PCDHGA8: variants seen among roughly 807,000 people sequenced by gnomAD.
PCDHGA8 encodes the protein protocadherin gamma-A8.
A neutral mutation model predicts 59.2 loss-of-function variants in PCDHGA8; 45 were observed. That is an observed-to-expected ratio of 0.76 (90% CI 0.60 to 0.98). PCDHGA8 has a LOEUF of 0.98. PCDHGA8 is among the 50% of genes least tolerant of loss of function. The pLI is 0.00. For missense variants in PCDHGA8, 1,257 were observed against 1,196.2 expected, an observed-to-expected ratio of 1.05 and a Z score of -0.75; for synonymous variants, 531 against 519.0, an observed-to-expected ratio of 1.02 and a Z score of -0.32.
Position 141,477,662 on chromosome 5 carries a change from A to G in PCDHGA8, c.2425-17145A>G. On this transcript the variant is annotated intron_variant, in intron 1 of 3. Transcript: ENST00000398604. The surrounding 1 kb of genome is among the most constrained non-coding windows in gnomAD (Gnocchi z 4.9). ...TCGCTATTTCACAATAAATCGTGAC[A>G]ATGGCATAGTGTCATCCTTAGTGCC... The G allele has an allele frequency of 6.2e-7, 1 of 1,614,222 alleles. No individual in the cohort carries two copies.
chr5:141,394,033 G>A lies in PCDHGA8; in HGVS notation c.1220G>A (p.Arg407Lys). The A allele has an allele frequency of 4.3e-6, 7 of 1,613,540 alleles. No homozygotes were observed. Among genetic ancestry groups the A allele is most frequent in the Non-Finnish European group, 5.9e-6 (7 of 1,179,716 alleles). The change falls in exon 1 of 4, where the codon AGG becomes AAG. Residue 407 changes from arginine (R) to lysine (K), a missense_variant. Coordinates refer to ENST00000398604, the MANE Select transcript of PCDHGA8 (RefSeq NM_032088.2). ...GGTAATTATTATAGATTAGTGACAA[G>A]GAAATATTTGGACCGAGAAAATGTC... is the stretch of plus-strand genomic sequence containing the variant. ...SIGNYYRLVT[R>K]KYLDRENVSI... is the part of the protein sequence containing the mutation.
intron 1 of PCDHGA8, chr5:141,403,427 G>T: frequency 6.2e-7 from 1 of 1,614,026 alleles, no homozygotes; most frequent in Non-Finnish European, 8.5e-7. Context: ...AGAAGCTATT[G>T]ATCCGGATGT....
chr5:141,400,590 T>G (rs775174347), intron 1 of PCDHGA8: 2 of 1,604,848 alleles, frequency 1.2e-6, no homozygotes, highest in South Asian at 1.1e-5. Flanking sequence ...CATGAAACTA[T>G]CGTACATTTT....
chr5:141,423,065 G>C, intron 1 of PCDHGA8: 1 of 1,614,138 alleles, frequency 6.2e-7, no homozygotes, highest in Non-Finnish European at 8.5e-7. Flanking sequence ...CTTAAGGCCA[G>C]CGAGCCGGGA....
chr5:141,409,143 G>A (rs778597273), intron 1 of PCDHGA8: 1 of 1,613,868 alleles, frequency 6.2e-7, no homozygotes, highest in African/African-American at 1.3e-5. Flanking sequence ...GATGTAGAAA[G>A]GTACACCATG....
Position 141,476,525 on chromosome 5 carries a change from A to T in PCDHGA8, c.2425-18282A>T, listed in dbSNP as rs766638463. On this transcript the variant is annotated intron_variant, in intron 1 of 3. Coordinates refer to ENST00000398604, the MANE Select transcript of PCDHGA8 (RefSeq NM_032088.2). This position sits in a 1 kb window ranked among gnomAD's most constrained non-coding sequence, Gnocchi z 7.6. ...CAACGACAACAATCCTGCTTTCCCTACCCAGGAAATGAAATTGGAGATTAG... is the reference window on the plus strand; with the variant it reads ...CAACGACAACAATCCTGCTTTCCCTTCCCAGGAAATGAAATTGGAGATTAG... The T allele has an allele frequency of 6.2e-7, 1 of 1,614,068 alleles. No homozygotes were observed. The highest frequency in any genetic ancestry group is 2.2e-5 in the East Asian group (1 of 44,854).
chr5:141,410,730 C>CT (rs1191642079), intron 1 of PCDHGA8: 2 of 1,347,822 alleles, frequency 1.5e-6, no homozygotes, highest in Admixed American at 2.5e-5. Context: ...AAATCCATAG[C>CT]TTTTTACAAT....
chr5:141,418,867 A>T, intron 1 of PCDHGA8: 1 of 1,613,968 alleles, frequency 6.2e-7, no homozygotes, highest in Non-Finnish European at 8.5e-7. Context: ...TAATTGTAGA[A>T]GTTGTAGACG....
chr5:141,476,281 T>G lies in PCDHGA8; in HGVS notation c.2425-18526T>G. On this transcript the variant is annotated intron_variant, in intron 1 of 3. Coordinates refer to ENST00000398604, the MANE Select transcript of PCDHGA8 (RefSeq NM_032088.2). This position sits in a 1 kb window ranked among gnomAD's most constrained non-coding sequence, Gnocchi z 7.6. ...TGGGCAACGTGGTCGCGAACCTTGGTTTGGATCTCGGTAGCCTCTCAGCCC... is the reference window on the plus strand; with the variant it reads ...TGGGCAACGTGGTCGCGAACCTTGGGTTGGATCTCGGTAGCCTCTCAGCCC... 1 of 1,614,048 alleles carries G rather than the reference T, an allele frequency of 6.2e-7. No homozygotes were observed. The highest frequency in any genetic ancestry group is 1.1e-5 in the South Asian group (1 of 91,062).
intron 1 of PCDHGA8, among the ~76,000 whole-genome samples, chr5:141,488,261 G>T (rs993627373): frequency 6.6e-6 from 1 of 152,148 alleles, no homozygotes; most frequent in Non-Finnish European, 1.5e-5. Flanking sequence ...GGTTGGGGCG[G>T]GTTGGTCATC....
chr5:141,431,858 G>T lies in PCDHGA8; in HGVS notation c.2424+36621G>T, dbSNP rs1421209596. On this transcript the variant is annotated intron_variant, in intron 1 of 3. Coordinates refer to ENST00000398604, the MANE Select transcript of PCDHGA8 (RefSeq NM_032088.2). This position sits in a 1 kb window ranked among gnomAD's most constrained non-coding sequence, Gnocchi z 4.8. ...AAACTCTCCCAGAGGGACATTAATTGCCCTTTTAAATGTAAATGACCAAGA... is the reference window on the plus strand; with the variant it reads ...AAACTCTCCCAGAGGGACATTAATTTCCCTTTTAAATGTAAATGACCAAGA... 6.8e-6 allele frequency: 11 copies of T among 1,614,080 alleles called. No homozygotes were observed. The highest frequency in any genetic ancestry group is 8.5e-6 in the Non-Finnish European group (10 of 1,180,028).
intron 1 of PCDHGA8, chr5:141,400,341 C>A (rs754175136): frequency 6.2e-7 from 1 of 1,614,070 alleles, no homozygotes; most frequent in African/African-American, 1.3e-5. Flanking sequence ...TTCCCCCCAA[C>A]TACAGTCAGG....
chr5:141,457,632 G>T (rs919693977), intron 1 of PCDHGA8, among the ~76,000 whole-genome samples: 1 of 152,142 alleles, frequency 6.6e-6, no homozygotes, highest in Non-Finnish European at 1.5e-5. Context: ...CTTATACTTG[G>T]CCTGATTATT....
chr5:141,473,269 A>G (rs2099318337), intron 1 of PCDHGA8, among the ~76,000 whole-genome samples: 1 of 152,208 alleles, frequency 6.6e-6, no homozygotes. Flanking sequence ...AGTGTATGCT[A>G]TGATTATTTT....
At chr5:141,399,147 C>T (rs2093760764) in intron 1 of PCDHGA8, 1 of 1,613,664 alleles carries the variant, frequency 6.2e-7, no homozygotes. Flanking sequence ...ATGACAATAG[C>T]CCAGAAGTTA....
intron 1 of PCDHGA8, among the ~76,000 whole-genome samples, chr5:141,449,205 A>G (rs991001366): frequency 6.6e-6 from 1 of 152,164 alleles, no homozygotes; most frequent in Admixed American, 6.5e-5. Context: ...GTTAATTCTA[A>G]CTTTCTGTTT....
At chr5:141,459,694 T>A (rs767389870) in intron 1 of PCDHGA8, among the ~76,000 whole-genome samples, 1 of 152,252 alleles carries the variant, frequency 6.6e-6, no homozygotes, top group Non-Finnish European at 1.5e-5. Context: ...AGCGTTCCGC[T>A]TGCTACATTT....
chr5:141,479,035 C>A (rs2099486361), intron 1 of PCDHGA8, among the ~76,000 whole-genome samples: 1 of 152,104 alleles, frequency 6.6e-6, no homozygotes, highest in Non-Finnish European at 1.5e-5. Context: ...TTATACAGAT[C>A]GTGTACCTCA....
chr5:141,499,223 C>T (rs1478344280), intron 2 of PCDHGA8, among the ~76,000 whole-genome samples: 2 of 152,112 alleles, frequency 1.3e-5, no homozygotes, highest in African/African-American at 4.8e-5. Context: ...CCCTGCCCTG[C>T]AGCTGTCCCC....
Sources: gnomAD v4.1 joint callset for allele counts (sites outside exome capture counted in the v4.1 genomes callset) on GRCh38, gnomAD v4.1.1 for gene constraint, Gnocchi (gnomAD v3.1) non-coding constraint, MANE v1.5 for transcripts, NCBI Gene and HGNC (gene_info 2026-07-23, HGNC 2026-07-21) for gene names.